MGAT5: variants seen among roughly 807,000 people sequenced by gnomAD.
The protein encoded by MGAT5 is alpha-1,6-mannosylglycoprotein 6-beta-N-acetylglucosaminyltransferase A.
MGAT5 carries 30 observed loss-of-function variants against 94.3 expected under a neutral mutation model. The ratio of observed to expected loss-of-function variants is 0.32; its 90% CI spans 0.24 to 0.43. The LOEUF (loss-of-function observed/expected upper bound fraction) is 0.43. MGAT5 is among the 20% of genes least tolerant of loss of function. The probability of loss-of-function intolerance (pLI) is 1.00; values close to 1 mark genes in which losing one functional copy is unlikely to be tolerated. For missense variants in MGAT5, 691 were observed against 905.5 expected (o/e 0.76, Z 3.04); for synonymous variants, 310 against 322.9 (o/e 0.96, Z 0.43).
intron 1 of MGAT5, among the ~76,000 whole-genome samples, chr2:134,201,558 C>CAGT (rs1240834592): frequency 2.6e-5 from 4 of 152,114 alleles, no homozygotes; most frequent in South Asian, 2.1e-4. Flanking sequence ...AGCACCGGGT[C>CAGT]AGCTTGTGAT....
intron 1 of MGAT5, among the ~76,000 whole-genome samples, chr2:134,181,462 CG>C (rs1366810775): frequency 4.5e-4 from 68 of 152,232 alleles, no homozygotes; most frequent in Admixed American, 1.4e-3. Flanking sequence ...GGTGGGGCAA[CG>C]GAAAAGGTCC....
At chr2:134,272,925 C>T (rs1272127542) in intron 2 of MGAT5, among the ~76,000 whole-genome samples, 1 of 152,218 alleles carries the variant, frequency 6.6e-6, no homozygotes, top group Non-Finnish European at 1.5e-5. Flanking sequence ...ATTTAATCAT[C>T]TGTCTCATTA....
intron 12 of MGAT5, among the ~76,000 whole-genome samples, 166 bp downstream of exon 12, chr2:134,413,181 C>G (rs1009242942): frequency 2.6e-5 from 4 of 152,156 alleles, no homozygotes; most frequent in African/African-American, 9.7e-5. Flanking sequence ...AAGTTAGGGG[C>G]AGGATTTGAA....
chr2:134,322,235 A>T (rs1415688414), intron 4 of MGAT5, among the ~76,000 whole-genome samples: 2 of 152,150 alleles, frequency 1.3e-5, no homozygotes, highest in Admixed American at 6.6e-5. Flanking sequence ...TTTGCCTTGG[A>T]CATTATATGT....
chr2:134,193,673 CTT>C (rs1378902815), intron 1 of MGAT5, among the ~76,000 whole-genome samples: 1 of 119,332 alleles, frequency 8.4e-6, no homozygotes, highest in Non-Finnish European at 1.8e-5. Context: ...TACCCCAAAT[CTT>C]TGTGTGTGTG....
intron 2 of MGAT5, among the ~76,000 whole-genome samples, chr2:134,298,729 G>C (rs1377032889): frequency 1.3e-5 from 2 of 152,110 alleles, no homozygotes; most frequent in Non-Finnish European, 2.9e-5. Context: ...AAGTATACTT[G>C]AGAGCTTAGT....
At chr2:134,258,764 T>G (rs2105544001) in intron 1 of MGAT5, among the ~76,000 whole-genome samples, 1 of 152,296 alleles carries the variant, frequency 6.6e-6, no homozygotes, top group African/African-American at 2.4e-5. Context: ...GTTGTAGTGG[T>G]TAGGAGCATG....
chr2:134,384,301 A>G (rs918684530), intron 10 of MGAT5, among the ~76,000 whole-genome samples: 4 of 151,468 alleles, frequency 2.6e-5, no homozygotes, highest in Non-Finnish European at 4.4e-5. Flanking sequence ...CTCCGGGCAT[A>G]CAATGCTCTT....
intron 12 of MGAT5, among the ~76,000 whole-genome samples, chr2:134,421,753 G>C (rs529546524): frequency 6.6e-6 from 1 of 152,262 alleles, no homozygotes; most frequent in East Asian, 1.9e-4. Flanking sequence ...ACATTCTCCA[G>C]TTATTATGGT....
At chr2:134,330,116 A>G (rs1406847724) in intron 4 of MGAT5, among the ~76,000 whole-genome samples, 2 of 152,208 alleles carry the variant, frequency 1.3e-5, no homozygotes, top group East Asian at 3.9e-4. Context: ...ATTTAGATAT[A>G]TAGTCAACTG....
intron 12 of MGAT5, among the ~76,000 whole-genome samples, chr2:134,420,221 A>G (rs1684219654): frequency 6.6e-6 from 1 of 152,184 alleles, no homozygotes; most frequent in Non-Finnish European, 1.5e-5. Context: ...ATGCATAATA[A>G]ACCTGAGAAA....
chr2:134,353,092 T>A (rs997740945), intron 9 of MGAT5, among the ~76,000 whole-genome samples: 1 of 152,096 alleles, frequency 6.6e-6, no homozygotes, highest in Non-Finnish European at 1.5e-5. Context: ...TATTACAAGA[T>A]GAAAAAGTTC....
intron 1 of MGAT5, among the ~76,000 whole-genome samples, chr2:134,218,297 A>G (rs374319737): frequency 5.9e-5 from 9 of 152,268 alleles, no homozygotes; most frequent in African/African-American, 1.7e-4. Flanking sequence ...GAACTTCACT[A>G]TCATAAATTA....
At chr2:134,299,091 T>C (rs1685866651) in intron 2 of MGAT5, among the ~76,000 whole-genome samples, 1 of 152,194 alleles carries the variant, frequency 6.6e-6, no homozygotes, top group African/African-American at 2.4e-5. Context: ...CTAGAATTTA[T>C]ATCTTTCCAA....
At chr2:134,334,714 T>C (rs1248381349) in intron 4 of MGAT5, among the ~76,000 whole-genome samples, 1 of 152,066 alleles carries the variant, frequency 6.6e-6, no homozygotes, top group Non-Finnish European at 1.5e-5. Context: ...TTAGGCTTCA[T>C]CCACTTGCAG....
At chr2:134,375,845 C>T (rs1369106597) in intron 10 of MGAT5, among the ~76,000 whole-genome samples, 1 of 152,100 alleles carries the variant, frequency 6.6e-6, no homozygotes, top group African/African-American at 2.4e-5. Context: ...CTGGAGAGGG[C>T]CCAGAAAGTC....
chr2:134,357,281 C>A (rs1334937201), intron 9 of MGAT5, among the ~76,000 whole-genome samples: 1 of 152,198 alleles, frequency 6.6e-6, no homozygotes, highest in Non-Finnish European at 1.5e-5. Context: ...AGGGAACTTA[C>A]TCACATTTTT....
chr2:134,248,668 T>G (rs1453819188), intron 1 of MGAT5, among the ~76,000 whole-genome samples: 1 of 133,742 alleles, frequency 7.5e-6, no homozygotes, highest in East Asian at 2.2e-4. Context: ...AACCACTAAG[T>G]TAGAGCAGCG....
intron 1 of MGAT5, among the ~76,000 whole-genome samples, chr2:134,203,599 G>A (rs991165135): frequency 6.6e-6 from 1 of 152,046 alleles, no homozygotes; most frequent in Non-Finnish European, 1.5e-5. Context: ...AAGAGAGGAC[G>A]GGGCTGATCG....
Sources: gnomAD v4.1 joint callset for allele counts (sites outside exome capture counted in the v4.1 genomes callset) on GRCh38, gnomAD v4.1.1 for gene constraint, MANE v1.5 for transcripts, NCBI Gene and HGNC (gene_info 2026-07-23, HGNC 2026-07-21) for gene names.